Variants in LRCH2 observed in about 807,000 individuals in gnomAD.
The protein encoded by LRCH2 is leucine rich repeats and calponin homology domain containing 2, also known as leucine-rich repeat and calponin homology domain-containing protein 2.
In LRCH2, 38 loss-of-function variants were observed where a neutral mutation model predicts 68.9. The observed-to-expected ratio is 0.55, with a 90% CI of 0.43 to 0.72. LRCH2 has a LOEUF of 0.72. LRCH2 is among the 30% of genes least tolerant of loss of function. The pLI is 0.00. For synonymous variants in LRCH2, 191 were observed against 208.1 expected, an observed-to-expected ratio of 0.92 and a Z score of 0.71; for missense variants, 528 against 572.9, an observed-to-expected ratio of 0.92 and a Z score of 0.80.
chrX:115,156,249 A>T (rs1369447645), intron 12 of LRCH2, among the ~76,000 whole-genome samples: 1 of 111,863 alleles, frequency 8.9e-6, no homozygotes, highest in African/African-American at 3.2e-5. Context: ...GTACCACCCA[A>T]TTGAAAAGAA....
At chrX:115,185,009 A>G (rs1418145678) in intron 2 of LRCH2, among the ~76,000 whole-genome samples, 2 of 112,259 alleles carry the variant, frequency 1.8e-5, no homozygotes, top group Non-Finnish European at 3.8e-5. Flanking sequence ...TGCATGCACT[A>G]TGTTTAAGTT....
intron 14 of LRCH2, among the ~76,000 whole-genome samples, 161 bp downstream of exon 14, chrX:115,149,666 G>A (rs1404506105): frequency 9.0e-6 from 1 of 111,100 alleles, no homozygotes; most frequent in African/African-American, 3.3e-5. Context: ...AAACCTTATG[G>A]ATATAATTAG....
intron 11 of LRCH2, among the ~76,000 whole-genome samples, chrX:115,156,983 G>T (rs1245407547): frequency 4.5e-5 from 5 of 111,164 alleles, no homozygotes; most frequent in Non-Finnish European, 1.9e-5. Flanking sequence ...GTACCATCGT[G>T]ACTGATTTAT....
At chrX:115,190,511 A>G (rs1556557339) in intron 1 of LRCH2, 2 of 1,167,472 alleles carry the variant, frequency 1.7e-6, no homozygotes, top group Admixed American at 2.6e-5. Context: ...CCAGACGCCT[A>G]CAGCAGGGAC....
chrX:115,166,233 A>G (rs2072558764), intron 7 of LRCH2, 22 bp downstream of exon 7: 1 of 1,078,201 alleles, frequency 9.3e-7, no homozygotes, highest in African/African-American at 1.8e-5. Flanking sequence ...AACAGAATGG[A>G]TCAGCAATAG....
intron 1 of LRCH2, chrX:115,190,590 C>T (rs368928761): frequency 3.7e-5 from 43 of 1,159,972 alleles, no homozygotes; most frequent in African/African-American, 3.4e-4. Flanking sequence ...GTGACCGCTA[C>T]GGAGAAGAAG....
chrX:115,190,251 G>A (rs188427252), intron 1 of LRCH2: 12,134 of 1,158,014 alleles, frequency 0.01, 46 homozygotes, highest in Non-Finnish European at 0.013. Context: ...CCAGTGTCCC[G>A]GACTACCGTC....
intron 1 of LRCH2, among the ~76,000 whole-genome samples, chrX:115,212,816 C>CA (rs1290695461): frequency 9.2e-6 from 1 of 108,627 alleles, no homozygotes; most frequent in Non-Finnish European, 1.9e-5. Context: ...ACAAAAAATA[C>CA]AAAAAAATAG....
In LRCH2 at chrX:115,192,332, G is replaced by A. The variant is rs782075305; in HGVS notation, c.350-3962C>T. The A allele has an allele frequency of 1.1e-4, 115 of 1,078,555 alleles. No individual in the cohort carries two copies. The African/African-American group carries it at 1.4e-3, about 13-fold the overall frequency. The allele number at this position is 1,078,555 out of a possible 1,213,427, so 88.9% of individuals were successfully genotyped here. The stretch of plus-strand genomic sequence containing the variant: ...TCGCCTGACGCCCACAGTGGGGGCC[G>A]CGACAGTTCCATCAAGAGTTACGGC... On this transcript the variant is annotated intron_variant, in intron 1 of 20. Coordinates refer to ENST00000317135, the MANE Select transcript of LRCH2 (RefSeq NM_020871.4).
At chrX:115,190,261 C>T (rs987562969) in intron 1 of LRCH2, 1 of 1,156,608 alleles carries the variant, frequency 8.6e-7, no homozygotes, top group Non-Finnish European at 1.2e-6. Context: ...GGACTACCGT[C>T]CCTTGAGAGG....
In LRCH2 at chrX:115,123,127, T is replaced by A; in HGVS notation, c.1915A>T (p.Met639Leu). Residue 639 changes from methionine to leucine, a missense_variant, in exon 18 of 21, where the codon ATG becomes TTG. By Grantham distance (15) the Met-to-Leu change is conservative (BLOSUM62 2). Coordinates refer to ENST00000317135, the MANE Select transcript of LRCH2 (RefSeq NM_020871.4). ...TCTCGCTCTTCCCGTAAATGTTCCA[T>A]CTTTCTTCTCATTGTAAATCCTGGA... is the stretch of plus-strand genomic sequence containing the variant. The part of the protein sequence containing the change: ...ADPGFTMRRK[M>L]EHLREEREQI... 2 of 1,210,694 alleles carry A rather than the reference T, an allele frequency of 1.7e-6. No homozygotes were observed. The highest frequency in any genetic ancestry group is 2.2e-6 in the Non-Finnish European group (2 of 895,064).
intron 11 of LRCH2, among the ~76,000 whole-genome samples, chrX:115,161,736 A>G (rs1556541806): frequency 1.8e-5 from 2 of 111,380 alleles, no homozygotes; most frequent in African/African-American, 6.5e-5. Context: ...AATAAAACCA[A>G]TGAAAGATTA....
intron 5 of LRCH2, among the ~76,000 whole-genome samples, chrX:115,171,140 A>C (rs1014765919): frequency 2.7e-5 from 3 of 111,897 alleles, no homozygotes; most frequent in African/African-American, 9.7e-5. Context: ...AAGTGACATC[A>C]AATAAATATT....
intron 1 of LRCH2, chrX:115,189,520 G>C: frequency 8.5e-7 from 1 of 1,182,315 alleles, no homozygotes; most frequent in Non-Finnish European, 1.1e-6. Flanking sequence ...CCTCAAAGCC[G>C]AGTTTGGCAA....
intron 2 of LRCH2, among the ~76,000 whole-genome samples, chrX:115,185,517 A>G (rs1347929355): frequency 8.9e-6 from 1 of 111,976 alleles, no homozygotes. Context: ...AAGCACTGGT[A>G]AGCGATAAGC....
intron 16 of LRCH2, among the ~76,000 whole-genome samples, chrX:115,125,599 ATATATACG>A: frequency 4.7e-5 from 1 of 21,302 alleles, no homozygotes; most frequent in Non-Finnish European, 7.2e-5. Context: ...ATATACACAT[ATATATACG>A]TATATATATA....
At chrX:115,202,075 G>T (rs2072933968) in intron 1 of LRCH2, among the ~76,000 whole-genome samples, 1 of 111,830 alleles carries the variant, frequency 8.9e-6, no homozygotes, top group Non-Finnish European at 1.9e-5. Context: ...TGACCATACT[G>T]CCCAAAGCAA....
At chrX:115,224,633 G>A (rs371000652) in intron 1 of LRCH2, among the ~76,000 whole-genome samples, 114 of 106,602 alleles carry the variant, frequency 1.1e-3, no homozygotes, top group Non-Finnish European at 1.9e-3. Flanking sequence ...GCAGTGAGCC[G>A]TGATTGTGCC....
chrX:115,121,940 G>C lies in LRCH2; in HGVS notation c.2178+587C>G, dbSNP rs1489987993. On this transcript the variant is annotated intron_variant, in intron 20 of 20. Transcript: ENST00000317135. ...GGTTAGGTTTATAACACTTTACAAA[G>C]AAGCAATATTGTGATTATATATCTT... Among the ~76,000 whole-genome samples, 5 of 111,129 alleles carry C rather than the reference G, an allele frequency of 4.5e-5. No individual in the cohort carries two copies. The East Asian group carries it at 1.1e-3, about 25-fold the overall frequency.
Sources: gnomAD v4.1 joint callset for allele counts (sites outside exome capture counted in the v4.1 genomes callset) on GRCh38, gnomAD v4.1.1 for gene constraint, MANE v1.5 for transcripts, NCBI Gene and HGNC (gene_info 2026-07-23, HGNC 2026-07-21) for gene names.